The following MYO5B variants were observed in gnomAD, a reference collection of about 807,000 sequenced individuals.
MYO5B encodes myosin VB.
A neutral mutation model predicts 229.3 loss-of-function variants in MYO5B; 143 were observed. That is an observed-to-expected ratio of 0.62 (90% CI 0.54 to 0.72). The LOEUF is 0.72. Among genes scored for constraint, MYO5B ranks in the 30% least tolerant of loss-of-function variants. The pLI is 0.00. For synonymous variants in MYO5B, 918 were observed against 885.2 expected, an observed-to-expected ratio of 1.04 and a Z score of -0.66; for missense variants, 2,321 against 2,331.0, an observed-to-expected ratio of 1.00 and a Z score of 0.09.
chr18:49,875,021 A>G (rs1009976129), intron 26 of MYO5B, among the ~76,000 whole-genome samples: 2 of 152,114 alleles, frequency 1.3e-5, no homozygotes, highest in South Asian at 4.1e-4. Context: ...AAATTCCTCA[A>G]TGGCTGGGAA....
At chr18:50,147,356 C>A (rs1332699225) in intron 1 of MYO5B, among the ~76,000 whole-genome samples, 2 of 152,280 alleles carry the variant, frequency 1.3e-5, no homozygotes, top group East Asian at 3.9e-4. Flanking sequence ...TCCTCTAATC[C>A]CTGCCACTGC....
chr18:49,941,177 A>T (rs1317582444), intron 14 of MYO5B, among the ~76,000 whole-genome samples: 1 of 152,228 alleles, frequency 6.6e-6, no homozygotes, highest in Non-Finnish European at 1.5e-5. Context: ...TCACAGACAC[A>T]CCAACCATTA....
chr18:50,185,377 T>C (rs950523529), intron 1 of MYO5B, among the ~76,000 whole-genome samples: 1 of 151,984 alleles, frequency 6.6e-6, no homozygotes, highest in Non-Finnish European at 1.5e-5. Context: ...GTGGTGGCTA[T>C]TGGCCATATC....
At chr18:49,881,705 G>A (rs970129189) in intron 22 of MYO5B, among the ~76,000 whole-genome samples, 7 of 43,730 alleles carry the variant, frequency 1.6e-4, no homozygotes, top group South Asian at 1.1e-3. Context: ...GGGAGGCTGA[G>A]GCAGGAGAAT....
intron 1 of MYO5B, among the ~76,000 whole-genome samples, chr18:50,128,610 C>T (rs1013036216): frequency 3.3e-5 from 5 of 152,198 alleles, no homozygotes; most frequent in African/African-American, 4.8e-5. Context: ...GACTCTCACA[C>T]TCCCTTGGAT....
At chr18:50,142,440 C>T (rs1428382389) in intron 1 of MYO5B, among the ~76,000 whole-genome samples, 1 of 152,168 alleles carries the variant, frequency 6.6e-6, no homozygotes, top group East Asian at 1.9e-4. Flanking sequence ...TCATGAGCAA[C>T]CAAACAACTA....
intron 10 of MYO5B, among the ~76,000 whole-genome samples, chr18:49,964,903 C>T (rs534550864): frequency 6.6e-6 from 1 of 152,284 alleles, no homozygotes; most frequent in South Asian, 2.1e-4. Context: ...GCGTAGTGGG[C>T]AGAGGCAGGG....
intron 5 of MYO5B, among the ~76,000 whole-genome samples, chr18:49,999,199 C>T (rs2026020411): frequency 6.6e-6 from 1 of 152,220 alleles, no homozygotes; most frequent in Non-Finnish European, 1.5e-5. Context: ...AAGTAGTACA[C>T]TATGTCTCTG....
Position 49,985,898 on chromosome 18 carries a change from C to T in MYO5B, c.839-1073G>A, listed in dbSNP as rs149894136. Reference sequence around the variant, plus strand: ...TCTCAAGAATTTCTGAAGTCTCTCTCCTTTCTCCATCCTGATTGCCATTGC... The same window carrying T: ...TCTCAAGAATTTCTGAAGTCTCTCTTCTTTCTCCATCCTGATTGCCATTGC... On this transcript the variant is annotated intron_variant, in intron 7 of 39. Transcript: ENST00000285039. Among the ~76,000 whole-genome samples, 4 of 152,292 alleles carry T rather than the reference C, an allele frequency of 2.6e-5. No individual in the cohort carries two copies. The East Asian group carries it at 7.7e-4, about 29-fold the overall frequency.
intron 16 of MYO5B, among the ~76,000 whole-genome samples, chr18:49,934,839 A>T (rs1787595): frequency 2.0e-5 from 3 of 152,128 alleles, no homozygotes; most frequent in South Asian, 4.1e-4. Flanking sequence ...TTACATGACC[A>T]GAGTGTAGAA....
chr18:50,111,518 C>T (rs1318321191), intron 1 of MYO5B, among the ~76,000 whole-genome samples: 1 of 152,206 alleles, frequency 6.6e-6, no homozygotes, highest in East Asian at 1.9e-4. Context: ...CATTCAAATA[C>T]ATGTTCCTTG....
At chr18:50,054,858 T>C (rs556781476) in intron 2 of MYO5B, among the ~76,000 whole-genome samples, 2 of 152,240 alleles carry the variant, frequency 1.3e-5, no homozygotes, top group African/African-American at 4.8e-5. Context: ...TGTGAACTGA[T>C]ATAAGGTCAC....
intron 4 of MYO5B, among the ~76,000 whole-genome samples, chr18:50,015,175 C>T (rs556990719): frequency 1.4e-3 from 206 of 152,258 alleles, no homozygotes; most frequent in Non-Finnish European, 2.3e-3. Context: ...AATGTGTGGG[C>T]TTTTTCTCTG....
intron 7 of MYO5B, among the ~76,000 whole-genome samples, chr18:49,986,346 C>T (rs1427745377): frequency 6.6e-6 from 1 of 152,200 alleles, no homozygotes; most frequent in Non-Finnish European, 1.5e-5. Flanking sequence ...ATTATGCATA[C>T]ATGGACAGGC....
Position 50,001,323 on chromosome 18 carries a change from T to C in MYO5B, c.544A>G (p.Thr182Ala). The C allele has an allele frequency of 6.2e-7, 1 of 1,614,194 alleles. No individual in the cohort carries two copies. Among genetic ancestry groups the C allele is most frequent in the Non-Finnish European group, 8.5e-7 (1 of 1,180,026 alleles). ...GTTTCACTGGCCGAGCCACCAACGGTGGCGAAATAGCGCATGGCATACTTG... is the reference window on the plus strand; with the variant it reads ...GTTTCACTGGCCGAGCCACCAACGGCGGCGAAATAGCGCATGGCATACTTG... The part of the protein sequence containing the change: ...SAKYAMRYFA[T>A]VGGSASETNI... Residue 182 changes from threonine to alanine, a missense_variant, in exon 5 of 40, where the codon ACC (threonine) becomes GCC (alanine). By Grantham distance (58) the Thr-to-Ala change is moderately conservative. This residue lies in a region of MYO5B where 2,113 missense variants were observed against 2,044.7 expected (regional missense o/e 1.03). Coordinates refer to ENST00000285039, the MANE Select transcript of MYO5B (RefSeq NM_001080467.3).
chr18:49,837,680 G>A lies in MYO5B; in HGVS notation c.4975C>T (p.Arg1659Cys), dbSNP rs766861389. ...ACTGTATGAAAGGCATTCATCTGGC[G>A]GATGATAGCTTCCAGGCAGTATGAG... is the stretch of plus-strand genomic sequence containing the variant. ...DNSYCLEAII[R>C]QMNAFHTVMC... Residue 1659 changes from arginine to cysteine, a missense_variant, in exon 37 of 40, where the codon CGC (arginine) becomes TGC (cysteine). Physicochemically the swap from Arg to Cys is radical, Grantham distance 180 (BLOSUM62 -3). This residue lies in a region of MYO5B where 208 missense variants were observed against 286.3 expected (regional missense o/e 0.73). Coordinates refer to ENST00000285039, the MANE Select transcript of MYO5B (RefSeq NM_001080467.3). 29 of 1,613,976 alleles carry A rather than the reference G, an allele frequency of 1.8e-5. No homozygotes were observed. In the East Asian group the frequency reaches 2.2e-4, roughly 12 times the overall value.
intron 14 of MYO5B, among the ~76,000 whole-genome samples, chr18:49,939,377 C>T (rs931174843): frequency 2.0e-5 from 3 of 152,048 alleles, no homozygotes; most frequent in African/African-American, 7.2e-5. Context: ...ATCTCTTGAC[C>T]TCGTGATCCG....
At chr18:50,161,748 G>C (rs1375393222) in intron 1 of MYO5B, among the ~76,000 whole-genome samples, 1 of 152,230 alleles carries the variant, frequency 6.6e-6, no homozygotes, top group Non-Finnish European at 1.5e-5. Context: ...ATGGACAAGA[G>C]TCCCAGGTTC....
intron 1 of MYO5B, among the ~76,000 whole-genome samples, chr18:50,093,083 A>T (rs2031480914): frequency 6.6e-6 from 1 of 152,166 alleles, no homozygotes; most frequent in Non-Finnish European, 1.5e-5. Flanking sequence ...CTGAAAAAAT[A>T]CAAAGAGCCA....
Sources: gnomAD v4.1 joint callset for allele counts (sites outside exome capture counted in the v4.1 genomes callset) on GRCh38, gnomAD v4.1.1 for gene constraint, gnomAD v4.1.1 regional missense constraint, MANE v1.5 for transcripts, NCBI Gene and HGNC (gene_info 2026-07-23, HGNC 2026-07-21) for gene names.